ADGRF1: variants seen among roughly 807,000 people sequenced by gnomAD.
ADGRF1 encodes the protein adhesion G protein-coupled receptor F1.
Under a neutral mutation model 87.2 loss-of-function variants are expected in ADGRF1, and 85 were observed. That is an observed-to-expected ratio of 0.97 (90% CI 0.82 to 1.17). ADGRF1 has a LOEUF of 1.17. Ranked by LOEUF, ADGRF1 falls within the 50% of genes most tolerant of loss-of-function variation. The pLI, the probability that ADGRF1 is intolerant of heterozygous loss-of-function variation, is 0.00. For synonymous variants in ADGRF1, 430 were observed against 408.8 expected (o/e 1.05, Z -0.63); for missense variants, 1,169 against 1,077.2 (o/e 1.09, Z -1.19).
intron 11 of ADGRF1, among the ~76,000 whole-genome samples, chr6:47,007,727 C>T (rs568418738): frequency 2.9e-4 from 44 of 152,336 alleles, no homozygotes; most frequent in African/African-American, 1.0e-3. Flanking sequence ...GCACCCTTTC[C>T]TTCCAGTGCA....
chr6:47,004,444 C>T lies in ADGRF1; in HGVS notation c.2592+1373G>A, dbSNP rs182606189. On this transcript the variant is annotated intron_variant, in intron 13 of 14. Coordinates refer to ENST00000371253, the MANE Select transcript of ADGRF1 (RefSeq NM_153840.4). ...GGTACAAATACAGACACTGCCTTCT[C>T]AGAAGTGTCAGTGCTTGATGTTAGA... 9.2e-5 allele frequency among the ~76,000 whole-genome samples: 14 copies of T among 152,306 alleles called. No homozygotes were observed. The East Asian group carries it at 2.7e-3, about 29-fold the overall frequency.
At chr6:47,024,968 A>G (rs1014062911) in intron 4 of ADGRF1, among the ~76,000 whole-genome samples, 16 of 152,164 alleles carry the variant, frequency 1.1e-4, no homozygotes, top group Admixed American at 1.0e-3. Flanking sequence ...GTATTTGACC[A>G]CCATCTCATT....
chr6:47,027,788 G>T, intron 2 of ADGRF1, 27 bp from the exon 3 acceptor site: 1 of 1,303,152 alleles, frequency 7.7e-7, no homozygotes, highest in South Asian at 1.2e-5. Flanking sequence ...AAATAGTTAC[G>T]GTGAGACTTT....
chr6:47,015,439 G>A (rs547343601), intron 8 of ADGRF1, among the ~76,000 whole-genome samples: 1 of 151,480 alleles, frequency 6.6e-6, no homozygotes, highest in African/African-American at 2.4e-5. Flanking sequence ...AGATGGGGTT[G>A]CACTCTTGTT....
chr6:47,041,380 G>A (rs187219338), intron 1 of ADGRF1, among the ~76,000 whole-genome samples: 92 of 152,138 alleles, frequency 6.0e-4, no homozygotes, highest in Non-Finnish European at 5.7e-4. Flanking sequence ...TGAGCTTAAT[G>A]GATCTCAGCA....
At chr6:47,039,699 C>T (rs573467459) in intron 1 of ADGRF1, among the ~76,000 whole-genome samples, 13 of 152,336 alleles carry the variant, frequency 8.5e-5, no homozygotes, top group South Asian at 2.1e-4. Flanking sequence ...TGGTGGCTCA[C>T]GCCTGTAATC....
At position 47,024,982 on chromosome 6, in the gene ADGRF1, G is replaced by C. The variant is rs555513034; in HGVS notation, c.278-765C>G. 2.0e-5 allele frequency among the ~76,000 whole-genome samples: 3 copies of C among 152,298 alleles called. 1 individual carries two copies. The East Asian group carries it at 5.8e-4, about 29-fold the overall frequency. On this transcript the variant is annotated intron_variant, in intron 4 of 14. Transcript: ENST00000371253. ...CGTATTTGACCACCATCTCATTGGA[G>C]GCTCCTTTCTATCCACCTGCTACCA...
chr6:47,012,256 AATCAG>A (rs1176532255), intron 9 of ADGRF1, 61 bp from the exon 10 acceptor site: 1 of 1,579,960 alleles, frequency 6.3e-7, no homozygotes, highest in East Asian at 2.3e-5. Context: ...ATCAAATTTA[AATCAG>A]ATGTCTTGGC....
At chr6:47,038,542 G>C (rs144915718) in intron 1 of ADGRF1, among the ~76,000 whole-genome samples, 1,758 of 152,126 alleles carry the variant, frequency 0.012, 27 homozygotes, top group South Asian at 0.07. Flanking sequence ...ATCAGATCAG[G>C]GTAATTAGCA....
intron 12 of ADGRF1, among the ~76,000 whole-genome samples, chr6:47,007,009 A>G (rs528944758): frequency 6.6e-6 from 1 of 152,348 alleles, no homozygotes; most frequent in East Asian, 1.9e-4. Context: ...AAAGGTAAAA[A>G]GAATTCCCCT....
rs1219357447 is a variant in ADGRF1 at position 47,010,059 on chromosome 6, G to C, written c.1376C>G (p.Pro459Arg). 6.2e-7 allele frequency: 1 copy of C among 1,614,098 alleles called. No homozygotes were observed. The highest frequency in any genetic ancestry group is 1.1e-5 in the South Asian group (1 of 91,070). ...CCCAATTAACACACGGCCTCTGATG[G>C]GAATAGATGTATTTTGGGGACACAT... ...IKMCPQNTSI[P>R]IRGRVLIGSD... is the part of the protein sequence containing the mutation. Residue 459 changes from proline (P) to arginine (R), a missense_variant, in exon 11 of 15, where the codon CCC becomes CGC. Transcript: ENST00000371253.
Position 47,029,019 on chromosome 6 carries a change from T to G in ADGRF1, c.43A>C (p.Thr15Pro). The change falls in exon 2 of 15, where the codon ACT becomes CCT. Residue 15 changes from threonine to proline, a missense_variant. Physicochemically the swap from Thr to Pro is conservative, Grantham distance 38. Coordinates refer to ENST00000371253, the MANE Select transcript of ADGRF1 (RefSeq NM_153840.4). ...CCCAGGAAGCCACCGTGGCCGTCAG[T>G]GAAGGTGAAGAAAGAAATGAGCCAC... ...VLWLISFFTFTDGHGGFLGKN... is the reference protein window; with the variant it reads ...VLWLISFFTFPDGHGGFLGKN... The G allele has an allele frequency of 1.9e-6, 3 of 1,614,046 alleles. No individual in the cohort carries two copies. Among genetic ancestry groups the G allele is most frequent in the Non-Finnish European group, 2.5e-6 (3 of 1,179,992 alleles).
At chr6:47,031,058 C>T (rs567740215) in intron 1 of ADGRF1, among the ~76,000 whole-genome samples, 8 of 152,096 alleles carry the variant, frequency 5.3e-5, no homozygotes, top group Admixed American at 4.6e-4. Flanking sequence ...CCACCATGCC[C>T]GGCCACTTTT....
At chr6:47,018,524 T>C (rs1340512904) in intron 7 of ADGRF1, 1 of 1,289,668 alleles carries the variant, frequency 7.8e-7, no homozygotes, top group East Asian at 5.5e-5. Flanking sequence ...AGTATTTTCC[T>C]GCTTGTTATA....
At position 46,998,451 on chromosome 6, in the gene ADGRF1, C is replaced by T. The variant is rs1323184021; in HGVS notation, c.*1771G>A. On this transcript the variant is annotated 3_prime_UTR_variant, in exon 15 of 15. Coordinates refer to ENST00000371253, the MANE Select transcript of ADGRF1 (RefSeq NM_153840.4). ...TAAAAGAGCCCCATGCTGACCTTCA[C>T]TCTTGCATGTCTCACTATGGTTCAT... The T allele has an allele frequency of 6.6e-6, 1 of 152,278 alleles. No homozygotes were observed. 9.4% of individuals were successfully genotyped at this position (152,278 alleles called of 1,614,324 possible). A position where few individuals can be genotyped will look rare whatever the true frequency, so the allele number is the denominator to read the frequency against.
intron 1 of ADGRF1, among the ~76,000 whole-genome samples, chr6:47,037,316 A>G (rs1780614851): frequency 6.6e-6 from 1 of 152,052 alleles, no homozygotes; most frequent in South Asian, 2.1e-4. Context: ...TTTGATTAGA[A>G]TGTTCATCTT....
intron 9 of ADGRF1, chr6:47,012,788 G>A (rs1779748821): frequency 1.3e-5 from 13 of 984,332 alleles, no homozygotes; most frequent in Admixed American, 1.2e-4. Flanking sequence ...TATTTTTTTC[G>A]AGATGGAGTC....
rs765208621 is a variant in ADGRF1 at position 47,001,485 on chromosome 6, T to C, written c.2659+16A>G. The C allele has an allele frequency of 3.7e-6, 6 of 1,611,188 alleles. No homozygotes were observed. In the South Asian group the frequency reaches 6.6e-5, roughly 18 times the overall value. ...TTTTCACACCTTTTATAACCTTTGG[T>C]TTTATTGTAACTCACCTTTGTTTTG... On this transcript the variant is annotated intron_variant, in intron 14 of 14. Transcript: ENST00000371253.
intron 13 of ADGRF1, 168 bp from the exon 14 acceptor site, chr6:47,001,735 T>C: frequency 1.8e-6 from 1 of 570,386 alleles, no homozygotes; most frequent in Non-Finnish European, 3.1e-6. Context: ...TCTTCTGCTT[T>C]AATCTATTTA....
Sources: allele counts gnomAD v4.1 joint callset (sites outside exome capture counted in the v4.1 genomes callset), GRCh38; gene constraint gnomAD v4.1.1; transcripts MANE v1.5; gene names NCBI Gene and HGNC (gene_info 2026-07-23, HGNC 2026-07-21).